The following UNKL variants were observed in gnomAD, a reference collection of about 807,000 sequenced individuals.
UNKL encodes the protein putative E3 ubiquitin-protein ligase UNKL.
UNKL carries 60 observed loss-of-function variants against 78.0 expected under a neutral mutation model. That is an observed-to-expected ratio of 0.77 (90% CI 0.63 to 0.95). The LOEUF is 0.95. Among genes scored for constraint, UNKL ranks in the 40% least tolerant of loss-of-function variants. The probability of loss-of-function intolerance (pLI) is 0.00; values close to 1 mark genes in which losing one functional copy is unlikely to be tolerated. For missense variants in UNKL, 1,159 were observed against 1,045.7 expected (o/e 1.11, Z -1.49); for synonymous variants, 608 against 474.8 (o/e 1.28, Z -3.65).
At chr16:1,390,532 C>G (rs1373935194) in intron 9 of UNKL, 100 bp downstream of exon 9, 1 of 1,297,156 alleles carries the variant, frequency 7.7e-7, no homozygotes, top group East Asian at 2.6e-5. Flanking sequence ...GATGCATGAG[C>G]GCTGCCCTAA....
intron 10 of UNKL, 73 bp from the exon 11 acceptor site, chr16:1,371,684 C>T (rs577935311): frequency 1.2e-5 from 17 of 1,460,888 alleles, no homozygotes; most frequent in South Asian, 6.2e-5. Flanking sequence ...CTGAGGAGGA[C>T]GACCGTCCCA....
Position 1,414,022 on chromosome 16 carries a change from G to A in UNKL, c.111C>T (p.Pro37=), listed in dbSNP as rs1203180613. 9.7e-6 allele frequency: 15 copies of A among 1,551,008 alleles called. No homozygotes were observed. In the South Asian group the frequency reaches 1.4e-4, roughly 15 times the overall value. Residue 37 remains proline, a synonymous_variant, in exon 2 of 15, where the codon CCC becomes CCT. Transcript: ENST00000389221. ...GCGCGCACTTGTGCTGTGAAAACAG[G>A]GGGCACTGCTCCGTCCTGAACTCCT... The part of the protein sequence containing the change: ...YLKEFRTEQC[P]LFSQHKCAQH...
chr16:1,374,537 T>C (rs2036069786), intron 10 of UNKL, among the ~76,000 whole-genome samples: 1 of 152,048 alleles, frequency 6.6e-6, no homozygotes, highest in South Asian at 2.1e-4. Context: ...GCCGGGAACC[T>C]CCACAGCCTG....
chr16:1,395,075 G>C (rs566632869), intron 6 of UNKL, among the ~76,000 whole-genome samples: 2 of 151,374 alleles, frequency 1.3e-5, no homozygotes, highest in African/African-American at 4.9e-5. Flanking sequence ...ATGGGGTTTC[G>C]CCATGTTGGC....
In UNKL at chr16:1,365,426, G is replaced by GAGGCGC. The variant is rs1188211624; in HGVS notation, c.*808_*813dup. 6.6e-6 allele frequency: 1 copy of GAGGCGC among 152,274 alleles called. No homozygotes were observed. Among genetic ancestry groups the GAGGCGC allele is most frequent in the African/African-American group, 2.4e-5 (1 of 41,402 alleles). 9.4% of individuals were successfully genotyped at this position (152,274 alleles called of 1,614,324 possible). A position where few individuals can be genotyped will look rare whatever the true frequency, so the allele number is the denominator to read the frequency against. On this transcript the variant is annotated 3_prime_UTR_variant, in exon 15 of 15. Transcript: ENST00000389221. ...CATGATGCTCCTTCACTTGCTCTCC[G>GAGGCGC]AGGCGCAGGCGCACAGAAACAGCGG...
At position 1,395,754 on chromosome 16, in the gene UNKL, A is replaced by G. The variant is rs111433373; in HGVS notation, c.852+1424T>C. On this transcript the variant is annotated intron_variant, in intron 6 of 14. Transcript: ENST00000389221. ...TGGGTACCAGAGACTGGGGTCTGCA[A>G]CCAGGCCTGCGTGACTGAACACAGA... The G allele has an allele frequency of 7.6e-4, 347 of 456,650 alleles. 2 individuals are homozygous for G. Among genetic ancestry groups the G allele is most frequent in the African/African-American group, 5.2e-3 (263 of 50,182 alleles). 28.3% of individuals were successfully genotyped at this position (456,650 alleles called of 1,614,324 possible).
At position 1,364,412 on chromosome 16, in the gene UNKL, A is replaced by G. The variant is rs527818505; in HGVS notation, c.*1828T>C. The stretch of plus-strand genomic sequence containing the variant: ...AAATGCTATTAAAAGTCTTTGGCAA[A>G]GCCACGGTCGGGGAGAAACACGTCG... On this transcript the variant is annotated 3_prime_UTR_variant, in exon 15 of 15. Coordinates refer to ENST00000389221, the MANE Select transcript of UNKL (RefSeq NM_001372107.1). 1.2e-4 allele frequency: 18 copies of G among 152,386 alleles called. No individual in the cohort carries two copies. Among genetic ancestry groups the G allele is most frequent in the African/African-American group, 3.8e-4 (16 of 41,590 alleles). The allele number at this position is 152,386 out of a possible 1,614,324, so 9.4% of individuals were successfully genotyped here.
chr16:1,366,613 A>G (rs1210671462), intron 14 of UNKL, among the ~76,000 whole-genome samples: 1 of 152,118 alleles, frequency 6.6e-6, no homozygotes, highest in African/African-American at 2.4e-5. Flanking sequence ...TGGGCAGAGG[A>G]CAGCCTCCTG....
chr16:1,388,528 G>A (rs1384633338), intron 9 of UNKL, among the ~76,000 whole-genome samples: 3 of 152,080 alleles, frequency 2.0e-5, no homozygotes, highest in Admixed American at 6.5e-5. Flanking sequence ...GACCCTGCCC[G>A]GGAGCTGGCC....
intron 2 of UNKL, among the ~76,000 whole-genome samples, chr16:1,410,177 G>A (rs1466642037): frequency 1.3e-5 from 2 of 151,880 alleles, no homozygotes; most frequent in African/African-American, 4.8e-5. Context: ...AAGGTGGGAG[G>A]ACTGCTTAAG....
chr16:1,390,967 T>C (rs1361298134), intron 8 of UNKL, among the ~76,000 whole-genome samples: 5 of 151,148 alleles, frequency 3.3e-5, no homozygotes, highest in African/African-American at 1.2e-4. Context: ...GAGGTGGAGG[T>C]TGCAGTGAGC....
Position 1,371,636 on chromosome 16 carries a change from C to T in UNKL, c.1265-25G>A, listed in dbSNP as rs149238344. On this transcript the variant is annotated intron_variant, in intron 10 of 14. Coordinates refer to ENST00000389221, the MANE Select transcript of UNKL (RefSeq NM_001372107.1). ...CCTGTCAACAGAGCCCCCCATCATC[C>T]ACAGCCCACCCAGCGCTGCAGAGCT... 1,375 of 1,534,712 alleles carry T rather than the reference C, an allele frequency of 9.0e-4. 11 individuals are homozygous for T. The African/African-American group carries it at 0.017, about 19-fold the overall frequency.
chr16:1,402,672 AAAAAG>A (rs1248082008), intron 3 of UNKL, among the ~76,000 whole-genome samples: 6 of 149,020 alleles, frequency 4.0e-5, no homozygotes, highest in Non-Finnish European at 8.9e-5. Flanking sequence ...CAAAAAACAA[AAAAAG>A]AAAAGAAAAG....
intron 6 of UNKL, 114 bp from the exon 7 acceptor site, chr16:1,394,329 C>A: frequency 1.8e-5 from 23 of 1,296,970 alleles, no homozygotes; most frequent in Non-Finnish European, 2.5e-5. Flanking sequence ...ACAAGACACC[C>A]CTGAAAAGGG....
intron 6 of UNKL, chr16:1,395,808 G>A (rs1314873155): frequency 2.2e-6 from 1 of 453,970 alleles, no homozygotes; most frequent in African/African-American, 2.0e-5. Flanking sequence ...ACTCCCGACA[G>A]GCCCCTGGTG....
intron 10 of UNKL, among the ~76,000 whole-genome samples, chr16:1,384,722 C>T (rs922103005): frequency 1.3e-5 from 2 of 152,188 alleles, no homozygotes; most frequent in African/African-American, 4.8e-5. Context: ...CCTCAGCCTC[C>T]CAAGTAGCTG....
chr16:1,371,813 T>C (rs1400129080), intron 10 of UNKL, among the ~76,000 whole-genome samples: 1 of 152,164 alleles, frequency 6.6e-6, no homozygotes, highest in Admixed American at 6.5e-5. Context: ...TGGCTGTTCC[T>C]CCGGCAAAAC....
chr16:1,401,086 C>G (rs940705333), intron 4 of UNKL, among the ~76,000 whole-genome samples: 6 of 152,212 alleles, frequency 3.9e-5, no homozygotes, highest in Non-Finnish European at 8.8e-5. Flanking sequence ...GGACAGCCCC[C>G]TGGTCCATAT....
At chr16:1,374,965 A>G (rs2142006772) in intron 10 of UNKL, among the ~76,000 whole-genome samples, 1 of 152,308 alleles carries the variant, frequency 6.6e-6, no homozygotes, top group East Asian at 1.9e-4. Context: ...TCGGGAACAC[A>G]GCTGTGGGGC....
Sources: gnomAD v4.1 joint callset for allele counts (sites outside exome capture counted in the v4.1 genomes callset) on GRCh38, gnomAD v4.1.1 for gene constraint, MANE v1.5 for transcripts, NCBI Gene and HGNC (gene_info 2026-07-23, HGNC 2026-07-21) for gene names.